The following TBC1D5 variants were observed in gnomAD, a reference collection of about 807,000 sequenced individuals.
The protein encoded by TBC1D5 is TBC1 domain family member 5.
In TBC1D5, 75 loss-of-function variants were observed where a neutral mutation model predicts 100.3. The ratio of observed to expected loss-of-function variants is 0.75; its 90% confidence interval spans 0.62 to 0.91. TBC1D5 has a LOEUF of 0.91. Ranked by LOEUF, TBC1D5 falls within the 40% of genes least tolerant of loss-of-function variation. TBC1D5 has a pLI of 0.00. For missense variants in TBC1D5, 910 were observed against 942.4 expected (o/e 0.97, Z 0.45); for synonymous variants, 323 against 325.6 (o/e 0.99, Z 0.09).
At chr3:17,353,735 G>A (rs2090901586) in intron 13 of TBC1D5, among the ~76,000 whole-genome samples, 1 of 152,074 alleles carries the variant, frequency 6.6e-6, no homozygotes, top group South Asian at 2.1e-4. Flanking sequence ...CAGTGGAGAT[G>A]TCAGAGTACT....
intron 15 of TBC1D5, among the ~76,000 whole-genome samples, chr3:17,289,038 G>T (rs974749989): frequency 2.0e-5 from 3 of 152,230 alleles, no homozygotes; most frequent in Admixed American, 2.0e-4. Context: ...CCCCTCTGGG[G>T]CTTCGGGGTT....
intron 2 of TBC1D5, among the ~76,000 whole-genome samples, chr3:17,572,752 GTGT>G (rs2096635363): frequency 6.6e-6 from 1 of 151,992 alleles, no homozygotes; most frequent in Non-Finnish European, 1.5e-5. Flanking sequence ...TCACACTGTC[GTGT>G]TGTTGTCTCC....
chr3:17,632,220 C>T (rs1238502647), intron 1 of TBC1D5, among the ~76,000 whole-genome samples: 1 of 152,192 alleles, frequency 6.6e-6, no homozygotes, highest in African/African-American at 2.4e-5. Context: ...GAGTAAAGAA[C>T]TGCAGGCAGG....
intron 1 of TBC1D5, among the ~76,000 whole-genome samples, chr3:17,709,703 G>A (rs987371057): frequency 3.3e-5 from 5 of 152,054 alleles, no homozygotes; most frequent in Admixed American, 2.0e-4. Flanking sequence ...CAGAAAGACA[G>A]AAAAGACCTT....
intron 19 of TBC1D5, among the ~76,000 whole-genome samples, chr3:17,174,068 C>T (rs1435721357): frequency 6.6e-6 from 1 of 152,128 alleles, no homozygotes; most frequent in Non-Finnish European, 1.5e-5. Flanking sequence ...AAGTCCCTCC[C>T]ATCTTCCCTA....
At chr3:17,446,919 C>T (rs1312327977) in intron 3 of TBC1D5, among the ~76,000 whole-genome samples, 3 of 149,904 alleles carry the variant, frequency 2.0e-5, no homozygotes, top group South Asian at 2.1e-4. Context: ...TGCAGTGAGC[C>T]GAGATCACAC....
intron 1 of TBC1D5, among the ~76,000 whole-genome samples, chr3:17,729,787 G>A (rs1000284917): frequency 6.6e-6 from 1 of 151,984 alleles, no homozygotes; most frequent in Non-Finnish European, 1.5e-5. Flanking sequence ...TTCAAGAAGA[G>A]TGAGAACAAA....
At chr3:17,458,252 G>C (rs1182641628) in intron 3 of TBC1D5, among the ~76,000 whole-genome samples, 1 of 152,048 alleles carries the variant, frequency 6.6e-6, no homozygotes, top group East Asian at 1.9e-4. Context: ...GGGGCTGAGG[G>C]TTTTTTCCCT....
intron 8 of TBC1D5, among the ~76,000 whole-genome samples, chr3:17,389,852 A>G (rs1311045383): frequency 6.6e-6 from 1 of 152,148 alleles, no homozygotes; most frequent in African/African-American, 2.4e-5. Context: ...CCAACTGTTA[A>G]TGATCACTGC....
intron 13 of TBC1D5, among the ~76,000 whole-genome samples, 165 bp downstream of exon 13, chr3:17,371,910 G>A (rs114426519): frequency 2.9e-3 from 441 of 152,146 alleles, no homozygotes; most frequent in African/African-American, 0.01. Flanking sequence ...GGTGGCACGC[G>A]TCTGTGGTAC....
At chr3:17,584,864 G>C (rs967788106) in intron 2 of TBC1D5, among the ~76,000 whole-genome samples, 1 of 152,088 alleles carries the variant, frequency 6.6e-6, no homozygotes, top group Non-Finnish European at 1.5e-5. Context: ...CGCCATGTTG[G>C]CCAGGCTGTT....
chr3:17,396,698 A>G (rs2093515291), intron 8 of TBC1D5, among the ~76,000 whole-genome samples: 1 of 152,130 alleles, frequency 6.6e-6, no homozygotes, highest in Non-Finnish European at 1.5e-5. Context: ...TAACATAATA[A>G]CTACATTTGA....
chr3:17,735,782 G>T (rs577921694), intron 1 of TBC1D5, among the ~76,000 whole-genome samples: 1 of 152,332 alleles, frequency 6.6e-6, no homozygotes, highest in African/African-American at 2.4e-5. Context: ...GATCTGGAGG[G>T]GTGGAAGTCA....
intron 4 of TBC1D5, among the ~76,000 whole-genome samples, chr3:17,407,510 C>A (rs2093803448): frequency 6.6e-6 from 1 of 152,096 alleles, no homozygotes; most frequent in Admixed American, 6.6e-5. Flanking sequence ...AAAAAGAAAG[C>A]CACTAAAACC....
At chr3:17,170,812 C>T (rs1223001427) in intron 19 of TBC1D5, among the ~76,000 whole-genome samples, 1 of 152,144 alleles carries the variant, frequency 6.6e-6, no homozygotes, top group Non-Finnish European at 1.5e-5. Context: ...CTGGCATCAT[C>T]TTGGCAGGGA....
At chr3:17,528,057 G>A (rs1005756026) in intron 2 of TBC1D5, among the ~76,000 whole-genome samples, 4 of 151,886 alleles carry the variant, frequency 2.6e-5, no homozygotes, top group African/African-American at 4.8e-5. Flanking sequence ...GGTTTTTTAG[G>A]GGGGGCTGGG....
At position 17,532,938 on chromosome 3, in the gene TBC1D5, T is replaced by C. The variant is rs561915788; in HGVS notation, c.-35-24333A>G. Among the ~76,000 whole-genome samples, 3 of 151,914 alleles carry C rather than the reference T, an allele frequency of 2.0e-5. No individual in the cohort carries two copies. In the East Asian group the frequency reaches 5.8e-4, roughly 29 times the overall value. On this transcript the variant is annotated intron_variant, in intron 2 of 21. Coordinates refer to ENST00000253692, the Ensembl canonical transcript of TBC1D5. Reference sequence around the variant, plus strand: ...CCAACATGGCACATGTATACATATGTAACAAACCTGCACGTTGTGCACATG... The same window carrying C: ...CCAACATGGCACATGTATACATATGCAACAAACCTGCACGTTGTGCACATG...
chr3:17,443,066 T>C (rs1357919612), intron 3 of TBC1D5, among the ~76,000 whole-genome samples: 1 of 152,168 alleles, frequency 6.6e-6, no homozygotes, highest in African/African-American at 2.4e-5. Context: ...TTACTTGCTA[T>C]ATCAAGAACC....
chr3:17,262,924 A>G (rs922418495), intron 15 of TBC1D5, among the ~76,000 whole-genome samples: 28 of 152,000 alleles, frequency 1.8e-4, no homozygotes, highest in Non-Finnish European at 3.1e-4. Context: ...GGAAGTTTAT[A>G]TAACTATACA....
Sources: gnomAD v4.1 joint callset for allele counts (sites outside exome capture counted in the v4.1 genomes callset) on GRCh38, gnomAD v4.1.1 for gene constraint, MANE v1.5 for transcripts, NCBI Gene and HGNC (gene_info 2026-07-23, HGNC 2026-07-21) for gene names.